RELN: variants seen among roughly 807,000 people sequenced by gnomAD.
The protein encoded by RELN is reelin.
A neutral mutation model predicts 427.6 loss-of-function variants in RELN; 108 were observed. The ratio of observed to expected loss-of-function variants is 0.25; its 90% CI spans 0.22 to 0.30. RELN has a LOEUF of 0.30. Among genes scored for constraint, RELN ranks in the 10% least tolerant of loss-of-function variants. The probability of loss-of-function intolerance (pLI) is 1.00; values close to 1 mark genes in which losing one functional copy is unlikely to be tolerated. For missense variants in RELN, 3,715 were observed against 4,302.8 expected (o/e 0.86, Z 3.82); for synonymous variants, 1,524 against 1,513.4 (o/e 1.01, Z -0.16).
At chr7:103,738,934 G>C (rs1204667997) in intron 6 of RELN, among the ~76,000 whole-genome samples, 1 of 151,984 alleles carries the variant, frequency 6.6e-6, no homozygotes, top group Non-Finnish European at 1.5e-5. Context: ...ATCTGCCTTG[G>C]CCTCCTAAAG....
intron 1 of RELN, among the ~76,000 whole-genome samples, chr7:103,967,271 TCTTC>T (rs984730349): frequency 1.3e-5 from 2 of 152,134 alleles, no homozygotes; most frequent in African/African-American, 4.8e-5. Context: ...CAATATTGGA[TCTTC>T]CTTCCTCCCT....
chr7:103,718,366 AAAAT>A (rs1391836037), intron 8 of RELN, among the ~76,000 whole-genome samples: 2 of 152,134 alleles, frequency 1.3e-5, no homozygotes, highest in Non-Finnish European at 2.9e-5. Flanking sequence ...CACACGTACA[AAAAT>A]AAAACCCGAA....
chr7:103,885,637 A>G (rs1033560146), intron 2 of RELN, among the ~76,000 whole-genome samples: 3 of 152,192 alleles, frequency 2.0e-5, no homozygotes, highest in African/African-American at 7.2e-5. Context: ...TACGTAATGT[A>G]GATGACGGGT....
rs2116975846 is a variant in RELN at position 103,482,920 on chromosome 7, A to G, written c.10233T>C (p.Asn3411=). 1.9e-6 allele frequency: 3 copies of G among 1,614,206 alleles called. No individual in the cohort carries two copies. The highest frequency in any genetic ancestry group is 2.5e-6 in the Non-Finnish European group (3 of 1,180,022). ...VLLRWWQPRH[N]GTGHDQWALD... ...AAGCCCATTGATCATGACCTGTTCC[A>G]TTGTGGCGTGGTTGCCACCAGCGCA... Residue 3411 remains asparagine (N), a synonymous_variant, in exon 63 of 65, where the codon AAT becomes AAC. Coordinates refer to ENST00000428762, the MANE Select transcript of RELN (RefSeq NM_005045.4).
Position 103,776,602 on chromosome 7 carries a change from C to T in RELN, c.499G>A (p.Val167Ile), listed in dbSNP as rs1277619518. Residue 167 changes from valine to isoleucine, a missense_variant, in exon 4 of 65, where the codon GTT becomes ATT. Transcript: ENST00000428762. Reference protein sequence around the residue: ...FMATATHRGQVIFKDALAQQL... With the variant: ...FMATATHRGQIIFKDALAQQL... ...TGGGCTAAAGCATCTTTGAAAATAA[C>T]CTGGCCCCGGTGTGTTGCTGTAGCC... 1.9e-6 allele frequency: 3 copies of T among 1,613,924 alleles called. No individual in the cohort carries two copies. Among genetic ancestry groups the T allele is most frequent in the South Asian group, 2.2e-5 (2 of 91,080 alleles).
intron 3 of RELN, 150 bp downstream of exon 3, chr7:103,833,387 T>A: frequency 1.3e-6 from 1 of 799,914 alleles, no homozygotes; most frequent in Non-Finnish European, 2.1e-6. Flanking sequence ...TTTAAAAAAG[T>A]TTTTACCTTT....
intron 2 of RELN, among the ~76,000 whole-genome samples, chr7:103,873,107 T>G (rs1053274508): frequency 5.3e-5 from 8 of 151,508 alleles, no homozygotes; most frequent in Middle Eastern, 3.4e-3. Context: ...GAATGACTAC[T>G]GGGTACATAA....
At chr7:103,510,797 T>C in intron 51 of RELN, 54 bp downstream of exon 51, 2 of 1,388,072 alleles carry the variant, frequency 1.4e-6, no homozygotes, top group Non-Finnish European at 2.0e-6. Flanking sequence ...CTGATATTTT[T>C]TGTTATATTG....
intron 8 of RELN, among the ~76,000 whole-genome samples, chr7:103,714,104 T>C (rs56202465): frequency 0.26 from 39,346 of 152,084 alleles, 5,246 homozygotes; most frequent in South Asian, 0.38. Context: ...GTTTAATATG[T>C]TTTTTGTTTT....
rs35268159 is a variant in RELN at position 103,565,554 on chromosome 7, G to GAA, written c.4937-5_4937-4dup. On this transcript the variant is annotated splice_region_variant and splice_polypyrimidine_tract_variant and intron_variant, in intron 33 of 64. Coordinates refer to ENST00000428762, the MANE Select transcript of RELN (RefSeq NM_005045.4). ...GGTCTCAGCATAACGAGGTTTTCCT[G>GAA]AAAAAAAAAAATGTGTAATGGTAGC... is the stretch of plus-strand genomic sequence containing the variant. 8,893 of 1,382,472 alleles carry GAA rather than the reference G, an allele frequency of 6.4e-3. 19 individuals carry two copies. The highest frequency in any genetic ancestry group is 0.059 in the Admixed American group (3,040 of 51,394). 85.6% of individuals were successfully genotyped at this position (1,382,472 alleles called of 1,614,324 possible).
chr7:103,562,038 T>C, intron 34 of RELN, 85 bp from the exon 35 acceptor site: 1 of 1,510,998 alleles, frequency 6.6e-7, no homozygotes, highest in Non-Finnish European at 9.0e-7. Flanking sequence ...TAATTCCCTT[T>C]TCTCTTTAAA....
Position 103,472,447 on chromosome 7 carries a change from C to A in RELN, c.*365G>T. On this transcript the variant is annotated 3_prime_UTR_variant, in exon 65 of 65. Transcript: ENST00000428762. ...CAGTCCACTTAAATAGCTTTGTGAC[C>A]AAGAATGTTAAATACTGTGCTAAAT... 6 of 279,726 alleles carry A rather than the reference C, an allele frequency of 2.1e-5. No individual in the cohort carries two copies. The highest frequency in any genetic ancestry group is 3.5e-5 in the Non-Finnish European group (5 of 144,274). 17.3% of individuals were successfully genotyped at this position (279,726 alleles called of 1,614,324 possible).
chr7:103,789,996 A>G (rs887931777), intron 3 of RELN, among the ~76,000 whole-genome samples: 3 of 152,228 alleles, frequency 2.0e-5, no homozygotes, highest in African/African-American at 7.2e-5. Flanking sequence ...ACACAATGCT[A>G]TGTAGCCATA....
Position 103,661,423 on chromosome 7 carries a change from G to A in RELN, c.1394C>T (p.Ser465Phe), listed in dbSNP as rs111409626. Reference protein sequence around the residue: ...KDGERKLCTPSMDTTGYGNLR... With the variant: ...KDGERKLCTPFMDTTGYGNLR... ...GTTCCCATAACCGGTAGTGTCCATG[G>A]ATGGAGTGCATAATTTCCTCTCTCC... Residue 465 changes from serine (S) to phenylalanine (F), a missense_variant, in exon 12 of 65, where the codon TCC (serine) becomes TTC (phenylalanine). This residue lies in a region of RELN where 2,208 missense variants were observed against 2,361.7 expected (regional missense o/e 0.93). Coordinates refer to ENST00000428762, the MANE Select transcript of RELN (RefSeq NM_005045.4). 1.1e-5 allele frequency: 18 copies of A among 1,613,786 alleles called. No homozygotes were observed. In the African/African-American group the frequency reaches 1.3e-4, roughly 12 times the overall value.
intron 2 of RELN, among the ~76,000 whole-genome samples, chr7:103,851,531 C>A (rs1170182206): frequency 6.6e-6 from 1 of 152,142 alleles, no homozygotes; most frequent in African/African-American, 2.4e-5. Context: ...ACGTTATATG[C>A]AAGCAAGCAA....
intron 3 of RELN, among the ~76,000 whole-genome samples, chr7:103,809,995 A>G (rs1792697323): frequency 6.6e-6 from 1 of 152,164 alleles, no homozygotes; most frequent in African/African-American, 2.4e-5. Context: ...CTATTCCTAA[A>G]TTATACAAAT....
intron 3 of RELN, among the ~76,000 whole-genome samples, chr7:103,787,820 CCTAA>C (rs1792057639): frequency 6.6e-6 from 1 of 152,108 alleles, no homozygotes; most frequent in South Asian, 2.1e-4. Context: ...GGGAATCCTC[CCTAA>C]CTCTTTTTAT....
chr7:103,490,425 G>A (rs1178319390), intron 59 of RELN, among the ~76,000 whole-genome samples: 1 of 152,170 alleles, frequency 6.6e-6, no homozygotes, highest in Non-Finnish European at 1.5e-5. Flanking sequence ...ATGGTATTAA[G>A]TCAAAGGAAA....
chr7:103,845,748 G>A (rs1793658653), intron 2 of RELN, among the ~76,000 whole-genome samples: 1 of 151,814 alleles, frequency 6.6e-6, no homozygotes, highest in Non-Finnish European at 1.5e-5. Context: ...CCAAATCGGA[G>A]TAAACTCTCA....
Sources: gnomAD v4.1 joint callset for allele counts (sites outside exome capture counted in the v4.1 genomes callset) on GRCh38, gnomAD v4.1.1 for gene constraint, gnomAD v4.1.1 regional missense constraint, MANE v1.5 for transcripts, NCBI Gene and HGNC (gene_info 2026-07-23, HGNC 2026-07-21) for gene names.